PLEKHH1: variants seen among roughly 807,000 people sequenced by gnomAD.
The protein encoded by PLEKHH1 is pleckstrin homology domain-containing family H member 1.
Under a neutral mutation model 160.0 loss-of-function variants are expected in PLEKHH1, and 104 were observed. The ratio of observed to expected loss-of-function variants is 0.65; its 90% CI spans 0.55 to 0.76. The LOEUF is 0.76. Among genes scored for constraint, PLEKHH1 ranks in the 30% least tolerant of loss-of-function variants. The pLI is 0.00. For missense variants in PLEKHH1, 1,427 were observed against 1,724.1 expected (o/e 0.83, Z 3.05); for synonymous variants, 619 against 678.4 (o/e 0.91, Z 1.36).
chr14:67,548,515 T>C (rs2034267607), intron 2 of PLEKHH1, among the ~76,000 whole-genome samples: 1 of 152,028 alleles, frequency 6.6e-6, no homozygotes, highest in Non-Finnish European at 1.5e-5. Flanking sequence ...CTGACCAACA[T>C]GGAGAAACCC....
chr14:67,575,627 G>A (rs2035591876), intron 15 of PLEKHH1, 155 bp downstream of exon 15: 3 of 716,540 alleles, frequency 4.2e-6, no homozygotes, highest in East Asian at 2.7e-5. Context: ...GATTCTGCCT[G>A]TCTGGGTCTC....
chr14:67,574,193 C>G lies in PLEKHH1; in HGVS notation c.1927-49C>G, dbSNP rs1342834181. On this transcript the variant is annotated intron_variant, in intron 13 of 28. Transcript: ENST00000329153. This position sits in a 1 kb window ranked among gnomAD's most constrained non-coding sequence, Gnocchi z 4.2. ...CCACCTCGGAGCCAGGTCCTGGTTA[C>G]TCCATTCTCCCAGCGTGCTGCCCCA... 4 of 1,509,496 alleles carry G rather than the reference C, an allele frequency of 2.6e-6. No homozygotes were observed. The East Asian group carries it at 9.4e-5, about 36-fold the overall frequency. 93.5% of individuals were successfully genotyped at this position (1,509,496 alleles called of 1,614,324 possible).
intron 15 of PLEKHH1, 117 bp downstream of exon 15, chr14:67,575,589 C>A: frequency 1.3e-6 from 1 of 778,126 alleles, no homozygotes. Flanking sequence ...AATACAAAAT[C>A]AGTTGGCTGG....
chr14:67,534,200 C>A (rs767451911), intron 1 of PLEKHH1, among the ~76,000 whole-genome samples: 6 of 152,156 alleles, frequency 3.9e-5, no homozygotes, highest in Non-Finnish European at 8.8e-5. Flanking sequence ...AGTACCATCA[C>A]TGAACGCTTT....
At chr14:67,561,753 C>G (rs2034843384) in intron 5 of PLEKHH1, among the ~76,000 whole-genome samples, 1 of 151,178 alleles carries the variant, frequency 6.6e-6, no homozygotes, top group African/African-American at 2.4e-5. Flanking sequence ...GTCTATGGTC[C>G]CAGCTACTCA....
chr14:67,580,213 C>T (rs1046066764), intron 22 of PLEKHH1: 15 of 223,714 alleles, frequency 6.7e-5, no homozygotes, highest in African/African-American at 3.2e-4. Flanking sequence ...CAGAGGCTCA[C>T]AGCTGTGTGC....
At position 67,574,500 on chromosome 14, in the gene PLEKHH1, G is replaced by A; in HGVS notation, c.2088+97G>A. On this transcript the variant is annotated intron_variant, in intron 14 of 28. Transcript: ENST00000329153. This position sits in a 1 kb window ranked among gnomAD's most constrained non-coding sequence, Gnocchi z 4.2. Reference sequence around the variant, plus strand: ...AGGGTGGTGGGTTCCCCCTTATACGGGGCTCCTTTCTCTGGGAGCCTCCTC... The same window carrying A: ...AGGGTGGTGGGTTCCCCCTTATACGAGGCTCCTTTCTCTGGGAGCCTCCTC... The A allele has an allele frequency of 1.0e-6, 1 of 1,002,210 alleles. No homozygotes were observed. Among genetic ancestry groups the A allele is most frequent in the Non-Finnish European group, 1.4e-6 (1 of 734,524 alleles). 62.1% of individuals were successfully genotyped at this position (1,002,210 alleles called of 1,614,324 possible).
intron 7 of PLEKHH1, among the ~76,000 whole-genome samples, chr14:67,568,207 A>G (rs1346393928): frequency 2.0e-5 from 3 of 152,228 alleles, no homozygotes; most frequent in African/African-American, 7.2e-5. Context: ...ATGCCCATCA[A>G]TGGTAGACTG....
chr14:67,540,471 C>A (rs1317966183), intron 1 of PLEKHH1, among the ~76,000 whole-genome samples: 1 of 151,744 alleles, frequency 6.6e-6, no homozygotes, highest in East Asian at 1.9e-4. Flanking sequence ...ACTAAAAATA[C>A]AAAAAATTAG....
At position 67,556,035 on chromosome 14, in the gene PLEKHH1, GA is replaced by G. The variant is rs553088801; in HGVS notation, c.189+149del. The stretch of plus-strand genomic sequence containing the variant: ...TGAGTGTGCGTGGAGCTTTCTGTGG[GA>G]GTAGAGTCTCTGGGTAAAGATCAGT... On this transcript the variant is annotated intron_variant, in intron 3 of 28. Transcript: ENST00000329153. 1.3e-4 allele frequency: 141 copies of G among 1,072,800 alleles called. 3 individuals are homozygous for G. In the South Asian group the frequency reaches 2.0e-3, roughly 15 times the overall value. 66.5% of individuals were successfully genotyped at this position (1,072,800 alleles called of 1,614,324 possible).
chr14:67,576,607 A>G lies in PLEKHH1; in HGVS notation c.2461+104A>G. 2 of 613,898 alleles carry G rather than the reference A, an allele frequency of 3.3e-6. No individual in the cohort carries two copies. Among genetic ancestry groups the G allele is most frequent in the South Asian group, 2.0e-5 (1 of 50,832 alleles). The allele number at this position is 613,898 out of a possible 1,614,324, so 38.0% of individuals were successfully genotyped here. On this transcript the variant is annotated intron_variant, in intron 17 of 28. Transcript: ENST00000329153. The surrounding 1 kb of genome is among the most constrained non-coding windows in gnomAD (Gnocchi z 4.0). ...AGTGTTGTACCCTGAAGCTGTTTTT[A>G]AAACATCTAAGCCACAGAGGGGAAG...
chr14:67,548,894 GTA>G (rs1205980534), intron 2 of PLEKHH1, among the ~76,000 whole-genome samples: 2 of 152,122 alleles, frequency 1.3e-5, no homozygotes, highest in Non-Finnish European at 2.9e-5. Flanking sequence ...CCAAAAATTT[GTA>G]GTTCAGAAAT....
chr14:67,551,250 T>C (rs2034379063), intron 2 of PLEKHH1, among the ~76,000 whole-genome samples: 1 of 152,196 alleles, frequency 6.6e-6, no homozygotes, highest in Non-Finnish European at 1.5e-5. Flanking sequence ...GAAAGGAGGC[T>C]GTATTACTAG....
chr14:67,554,875 G>C (rs1008066433), intron 2 of PLEKHH1, among the ~76,000 whole-genome samples: 3 of 152,166 alleles, frequency 2.0e-5, no homozygotes, highest in Non-Finnish European at 2.9e-5. Context: ...TCAGCCTTGA[G>C]TGACATGCCT....
rs571672248 is a variant in PLEKHH1, at chr14:67,550,486, G to A, written c.127-5339G>A. ...TTACAGGCGTGCACCACCGCGCCCA[G>A]CCAAAACAATTGTCTTTGATAACAA... On this transcript the variant is annotated intron_variant, in intron 2 of 28. Transcript: ENST00000329153. Among the ~76,000 whole-genome samples, 6 of 152,324 alleles carry A rather than the reference G, an allele frequency of 3.9e-5. 1 individual carries two copies. In the South Asian group the frequency reaches 1.2e-3, roughly 32 times the overall value.
At position 67,578,918 on chromosome 14, in the gene PLEKHH1, G is replaced by A. The variant is rs1030608924; in HGVS notation, c.2850-216G>A. On this transcript the variant is annotated intron_variant, in intron 20 of 28. Coordinates refer to ENST00000329153, the MANE Select transcript of PLEKHH1 (RefSeq NM_020715.3). This position sits in a 1 kb window ranked among gnomAD's most constrained non-coding sequence, Gnocchi z 5.0. ...TCCCCAAGTGCTATTCTGTTGTTAT[G>A]TCCTCTGGGTTCTAGAAGAAAATAT... Among the ~76,000 whole-genome samples the A allele has an allele frequency of 3.9e-5, 6 of 152,296 alleles. No homozygotes were observed. Among genetic ancestry groups the A allele is most frequent in the African/African-American group, 1.4e-4 (6 of 41,552 alleles).
chr14:67,561,235 G>T (rs1415854514), intron 5 of PLEKHH1, among the ~76,000 whole-genome samples: 1 of 152,196 alleles, frequency 6.6e-6, no homozygotes. Context: ...CTCAATAAAA[G>T]TGTGTTGGAC....
Position 67,562,732 on chromosome 14 carries a change from A to AG in PLEKHH1, c.1102dup (p.Ala368GlyfsTer2). The stretch of plus-strand genomic sequence containing the variant: ...CTGGCCTTCCTGAGCTGGAGTCCCG[A>AG]GCTAGGTCCCGGGAGGAACCAGAGA... On this transcript the variant is annotated frameshift_variant, in exon 7 of 29. Transcript: ENST00000329153. LOFTEE classifies it high-confidence loss of function. 1 of 1,613,626 alleles carries AG rather than the reference A, an allele frequency of 6.2e-7. No homozygotes were observed.
chr14:67,571,911 A>C lies in PLEKHH1; in HGVS notation c.1585+9A>C, dbSNP rs1331732009. The C allele has an allele frequency of 2.5e-6, 4 of 1,602,582 alleles. No individual in the cohort carries two copies. The African/African-American group carries it at 5.4e-5, about 21-fold the overall frequency. On this transcript the variant is annotated intron_variant, in intron 10 of 28. Transcript: ENST00000329153. ...CCGGGCCATCAAGAGAGGTACAGAG[A>C]AGGGGAGCAGGGGCAGGGTGCAGCA...
Sources: allele counts gnomAD v4.1 joint callset (sites outside exome capture counted in the v4.1 genomes callset), GRCh38; gene constraint gnomAD v4.1.1; non-coding constraint Gnocchi (gnomAD v3.1); transcripts MANE v1.5; gene names NCBI Gene and HGNC (gene_info 2026-07-23, HGNC 2026-07-21).